Variants in PPL observed in about 807,000 individuals in gnomAD.
PPL encodes the protein periplakin.
In PPL, 198 loss-of-function variants were observed where a neutral mutation model predicts 194.4. The observed-to-expected ratio is 1.02, with a 90% confidence interval of 0.91 to 1.15. PPL has a LOEUF of 1.15. Among genes scored for constraint, PPL ranks in the 50% most tolerant of loss-of-function variants. The pLI is 0.00. For missense variants in PPL, 2,885 were observed against 2,294.8 expected (o/e 1.26, Z -5.25); for synonymous variants, 1,220 against 972.4 (o/e 1.25, Z -4.74).
chr16:4,884,463 C>T lies in PPL; in HGVS notation c.4192G>A (p.Glu1398Lys), dbSNP rs761293930. Residue 1398 changes from glutamate to lysine, a missense_variant, in exon 22 of 22, where the codon GAG (glutamate) becomes AAG (lysine). By Grantham distance (56) the Glu-to-Lys change is moderately conservative. Transcript: ENST00000345988. This position sits in a 1 kb window ranked among gnomAD's most constrained non-coding sequence, Gnocchi z 5.7. ...AGCTCCTCCAGCTGCCGCTCAAGCT[C>T]GGTGCGCCGGCGCTGCAGCCGCCGC... ...ELRRLQRRRTELERQLEELER... is the reference protein window; with the variant it reads ...ELRRLQRRRTKLERQLEELER... 35 of 1,602,216 alleles carry T rather than the reference C, an allele frequency of 2.2e-5. No individual in the cohort carries two copies. The highest frequency in any genetic ancestry group is 3.3e-4 in the Middle Eastern group (2 of 6,038).
rs769989370 is a variant in PPL at position 4,885,599 on chromosome 16, G to A, written c.3056C>T (p.Ala1019Val). 6 of 1,611,984 alleles carry A rather than the reference G, an allele frequency of 3.7e-6. No individual in the cohort carries two copies. The highest frequency in any genetic ancestry group is 5.1e-6 in the Non-Finnish European group (6 of 1,179,690). Reference protein sequence around the residue: ...EVLQLREELEALRRQKGAREA... With the variant: ...EVLQLREELEVLRRQKGAREA... Reference sequence around the variant, plus strand: ...CCGGGCGCCCTTCTGCCGCCTCAGTGCCTCCAGCTCCTCCCGCAGCTGCAA... The same window carrying A: ...CCGGGCGCCCTTCTGCCGCCTCAGTACCTCCAGCTCCTCCCGCAGCTGCAA... The change falls in exon 22 of 22, where the codon GCA (alanine) becomes GTA (valine). Residue 1019 changes from alanine to valine, a missense_variant. Transcript: ENST00000345988. The surrounding 1 kb of genome is among the most constrained non-coding windows in gnomAD (Gnocchi z 6.3).
intron 11 of PPL, 133 bp from the exon 12 acceptor site, chr16:4,894,751 G>C (rs2088388218): frequency 2.0e-6 from 2 of 1,014,992 alleles, no homozygotes; most frequent in Admixed American, 2.8e-5. Flanking sequence ...CGTAGAGTGG[G>C]GAGGGGCATG....
At chr16:4,927,571 G>A (rs1013782409) in intron 1 of PPL, among the ~76,000 whole-genome samples, 2 of 152,262 alleles carry the variant, frequency 1.3e-5, no homozygotes, top group Non-Finnish European at 2.9e-5. Context: ...CTGTGAGAAA[G>A]CAGTACACAG....
intron 14 of PPL, chr16:4,892,979 C>G (rs938659853): frequency 1.9e-5 from 9 of 485,412 alleles, no homozygotes; most frequent in Non-Finnish European, 3.2e-5. Flanking sequence ...GGCGTCAGAT[C>G]GACAAGCCGT....
At position 4,891,949 on chromosome 16, in the gene PPL, C is replaced by A. The variant is rs747981593; in HGVS notation, c.1830G>T (p.Lys610Asn). The A allele has an allele frequency of 6.2e-7, 1 of 1,612,322 alleles. No individual in the cohort carries two copies. The highest frequency in any genetic ancestry group is 8.5e-7 in the Non-Finnish European group (1 of 1,179,450). The change falls in exon 16 of 22, where the codon AAG becomes AAT. Residue 610 changes from lysine to asparagine, a missense_variant and splice_region_variant. Coordinates refer to ENST00000345988, the MANE Select transcript of PPL (RefSeq NM_002705.5). ...TCTCCAGGCGGTTGGCCACATCAAC[C>A]CTGAGAGCACCAATCAGGCGTCGGG... ...LLQLLDLAQEKVDVANRLEKS... is the reference protein window; with the variant it reads ...LLQLLDLAQENVDVANRLEKS...
Position 4,885,954 on chromosome 16 carries a change from C to T in PPL, c.2701G>A (p.Glu901Lys), listed in dbSNP as rs2088212236. Residue 901 changes from glutamate (E) to lysine (K), a missense_variant, in exon 22 of 22, where the codon GAG (glutamate) becomes AAG (lysine). Glu to Lys is a moderately conservative substitution (Grantham distance 56). Coordinates refer to ENST00000345988, the MANE Select transcript of PPL (RefSeq NM_002705.5). This position sits in a 1 kb window ranked among gnomAD's most constrained non-coding sequence, Gnocchi z 6.3. ...AGCTGCCGCCTCCGCTCAGTCTCCT[C>T]ATCCAGTTCCTTCCTGATCTTCCAC... is the stretch of plus-strand genomic sequence containing the variant. ...EAWKIRKELD[E>K]ETERRRQLEN... 5 of 1,613,700 alleles carry T rather than the reference C, an allele frequency of 3.1e-6. No individual in the cohort carries two copies. Among genetic ancestry groups the T allele is most frequent in the East Asian group, 2.2e-5 (1 of 44,894 alleles).
Position 4,902,653 on chromosome 16 carries a change from C to T in PPL, c.318-127G>A, listed in dbSNP as rs1309119597. 20 of 1,033,674 alleles carry T rather than the reference C, an allele frequency of 1.9e-5. No homozygotes were observed. The highest frequency in any genetic ancestry group is 3.5e-5 in the South Asian group (2 of 56,478). The allele number at this position is 1,033,674 out of a possible 1,614,324, so 64.0% of individuals were successfully genotyped here. A position where few individuals can be genotyped will look rare whatever the true frequency, so the allele number is the denominator to read the frequency against. ...ACAGTGACCATATGGCCTTGGGTTC[C>T]AGACAATCACAGCATCCTCTCACCC... On this transcript the variant is annotated intron_variant, in intron 3 of 21. Transcript: ENST00000345988. This position sits in a 1 kb window ranked among gnomAD's most constrained non-coding sequence, Gnocchi z 4.0.
chr16:4,936,859 G>A (rs2089306510), intron 1 of PPL, 125 bp downstream of exon 1: 3 of 968,944 alleles, frequency 3.1e-6, no homozygotes, highest in African/African-American at 1.8e-5. Context: ...CCCGCACTCC[G>A]GGTTCAGTTC....
intron 8 of PPL, 89 bp from the exon 9 acceptor site, chr16:4,897,859 C>T (rs556514183): frequency 5.3e-5 from 56 of 1,063,540 alleles, no homozygotes; most frequent in Middle Eastern, 2.8e-4. Flanking sequence ...TGGGGCATGG[C>T]GGGGGAGGGA....
At position 4,900,833 on chromosome 16, in the gene PPL, C is replaced by A. The variant is rs1253782762; in HGVS notation, c.603G>T (p.Leu201=). The change falls in exon 6 of 22, where the codon CTG becomes CTT. Residue 201 remains leucine (L), a synonymous_variant. Transcript: ENST00000345988. ...TTTCCCCCAGGGAGCTCCTCACCAG[C>A]AGTTTCTGGTACTTGGCCCGGAGTT... ...NSELRAKYQK[L]LAASQARQQH... 1 of 1,614,170 alleles carries A rather than the reference C, an allele frequency of 6.2e-7. No homozygotes were observed. The highest frequency in any genetic ancestry group is 1.7e-5 in the Admixed American group (1 of 60,030).
intron 6 of PPL, among the ~76,000 whole-genome samples, chr16:4,900,456 TAA>T (rs869303173): frequency 6.2e-5 from 8 of 128,866 alleles, no homozygotes; most frequent in South Asian, 2.4e-4. Context: ...TTTTTTTTTT[TAA>T]AGGCAGGGTT....
Position 4,892,212 on chromosome 16 carries a change from T to C in PPL, c.1652A>G (p.Asn551Ser). The stretch of plus-strand genomic sequence containing the variant: ...AATCCGCAGTAGCTCGTTGGTGATG[T>C]TCTGTGGGAACCAGGGCCCCTCAGT... ...DSAERAKDLK[N>S]ITNELLRIEP... is the part of the protein sequence containing the mutation. Residue 551 changes from asparagine (N) to serine (S), a missense_variant and splice_region_variant, in exon 15 of 22, where the codon AAC (asparagine) becomes AGC (serine). Physicochemically the swap from Asn to Ser is conservative, Grantham distance 46. Transcript: ENST00000345988. 6 of 1,608,608 alleles carry C rather than the reference T, an allele frequency of 3.7e-6. No homozygotes were observed. The highest frequency in any genetic ancestry group is 2.2e-5 in the South Asian group (2 of 91,016).
At chr16:4,926,423 C>A (rs2089155448) in intron 1 of PPL, among the ~76,000 whole-genome samples, 1 of 152,144 alleles carries the variant, frequency 6.6e-6, no homozygotes, top group Admixed American at 6.6e-5. Context: ...CTATAAAATA[C>A]CTGCTCAATT....
At chr16:4,923,423 G>T (rs1157788860) in intron 1 of PPL, among the ~76,000 whole-genome samples, 2 of 152,156 alleles carry the variant, frequency 1.3e-5, no homozygotes, top group Non-Finnish European at 2.9e-5. Flanking sequence ...ATGCTTCCCG[G>T]CCTCCTGCCC....
rs138719548 is a variant in PPL, at chr16:4,908,445, T to TCTCTCTCTCA, written c.162+2404_162+2405insTGAGAGAGAG. ...CTTTCTCTCTCTCTCTCTCTCTCTC[T>TCTCTCTCTCA]CACACACATACACAAAGGTCAAACA... On this transcript the variant is annotated intron_variant, in intron 2 of 21. Transcript: ENST00000345988. 2.8e-3 allele frequency among the ~76,000 whole-genome samples: 422 copies of TCTCTCTCTCA among 151,368 alleles called. 2 individuals carry two copies. Among genetic ancestry groups the TCTCTCTCTCA allele is most frequent in the East Asian group, 5.4e-3 (28 of 5,146 alleles).
In PPL at chr16:4,891,159, C is replaced by T. The variant is rs75237581; in HGVS notation, c.1969-238G>A. ...TCTAAAAACCCTGCAGCAGGCAGCT[C>T]GTGCCCTGCGCGAGAACAGCCTGCC... On this transcript the variant is annotated intron_variant, in intron 16 of 21. Coordinates refer to ENST00000345988, the MANE Select transcript of PPL (RefSeq NM_002705.5). Among the ~76,000 whole-genome samples the T allele has an allele frequency of 2.7e-4, 41 of 152,362 alleles. No homozygotes were observed. In the East Asian group the frequency reaches 6.0e-3, roughly 22 times the overall value.
At position 4,902,270 on chromosome 16, in the gene PPL, C is replaced by T. The variant is rs2088589313; in HGVS notation, c.438+136G>A. 7.2e-7 allele frequency: 1 copy of T among 1,395,458 alleles called. No homozygotes were observed. Among genetic ancestry groups the T allele is most frequent in the Non-Finnish European group, 9.7e-7 (1 of 1,034,022 alleles). 86.4% of individuals were successfully genotyped at this position (1,395,458 alleles called of 1,614,324 possible). On this transcript the variant is annotated intron_variant, in intron 4 of 21. Transcript: ENST00000345988. The surrounding 1 kb of genome is among the most constrained non-coding windows in gnomAD (Gnocchi z 4.0). ...GAGCCTCACTCTTCTCATGGGCACA[C>T]TGGAAAACCATCAGGACCACGACTG...
chr16:4,898,678 C>T lies in PPL; in HGVS notation c.876+335G>A, dbSNP rs149389687. Among the ~76,000 whole-genome samples, 196 of 152,260 alleles carry T rather than the reference C, an allele frequency of 1.3e-3. 1 individual carries two copies. The highest frequency in any genetic ancestry group is 4.7e-3 in the African/African-American group (194 of 41,548). Reference sequence around the variant, plus strand: ...CCAGAGGGAATGAGGCCCTAAGACACCTTGATTTCAGACTTACAGCCCACA... The same window carrying T: ...CCAGAGGGAATGAGGCCCTAAGACATCTTGATTTCAGACTTACAGCCCACA... On this transcript the variant is annotated intron_variant, in intron 8 of 21. Coordinates refer to ENST00000345988, the MANE Select transcript of PPL (RefSeq NM_002705.5).
chr16:4,925,253 G>A (rs1292044872), intron 1 of PPL, among the ~76,000 whole-genome samples: 2 of 152,224 alleles, frequency 1.3e-5, no homozygotes, highest in Non-Finnish European at 2.9e-5. Flanking sequence ...CCAGCTTGGG[G>A]GAGGTGCACC....
Sources: allele counts gnomAD v4.1 joint callset (sites outside exome capture counted in the v4.1 genomes callset), GRCh38; gene constraint gnomAD v4.1.1; non-coding constraint Gnocchi (gnomAD v3.1); transcripts MANE v1.5; gene names NCBI Gene and HGNC (gene_info 2026-07-23, HGNC 2026-07-21).